The following MAGEA4 variants were observed in gnomAD, a reference collection of about 807,000 sequenced individuals.
The protein encoded by MAGEA4 is melanoma-associated antigen 4.
MAGEA4 carries 1 observed loss-of-function variant against 13.7 expected under a neutral mutation model. That is an observed-to-expected ratio of 0.07 (90% CI 0.03 to 0.35). MAGEA4 has a LOEUF of 0.35. MAGEA4 is among the 10% of genes least tolerant of loss of function. MAGEA4 has a pLI of 0.99. For missense variants in MAGEA4, 312 were observed against 245.1 expected, an observed-to-expected ratio of 1.27 and a Z score of -1.82; for synonymous variants, 132 against 101.1, an observed-to-expected ratio of 1.31 and a Z score of -1.83.
intron 1 of MAGEA4, among the ~76,000 whole-genome samples, chrX:151,921,339 G>A (rs759748011): frequency 1.8e-5 from 2 of 112,344 alleles, no homozygotes; most frequent in South Asian, 3.7e-4. Flanking sequence ...GCTCTGTGGC[G>A]AGGCAAGGTG....
At position 151,923,472 on chromosome X, in the gene MAGEA4, A is replaced by G. The variant is rs368738694; in HGVS notation, c.-118A>G. On this transcript the variant is annotated 5_prime_UTR_variant, in exon 2 of 3. Coordinates refer to ENST00000276344, the MANE Select transcript of MAGEA4 (RefSeq NM_001011548.1). The stretch of plus-strand genomic sequence containing the variant: ...CTTCAGGTTCTGAGCAGACAGGCCA[A>G]CCGGAGGACAGGATTCCCTGGAGGC... 1.7e-4 allele frequency: 201 copies of G among 1,192,167 alleles called. 1 individual carries two copies. Among genetic ancestry groups the G allele is most frequent in the Middle Eastern group, 2.3e-4 (1 of 4,306 alleles).
rs779923857 is a variant in MAGEA4 at position 151,923,647 on chromosome X, G to A, written c.-18G>A. 4.2e-5 allele frequency: 51 copies of A among 1,209,418 alleles called. No homozygotes were observed. Among genetic ancestry groups the A allele is most frequent in the Non-Finnish European group, 5.1e-5 (46 of 895,152 alleles). ...GCTTTTGCCTGCACTCTTGCCTGCTGCCCTGACCAGAGTCATCATGTCTTC... is the reference window on the plus strand; with the variant it reads ...GCTTTTGCCTGCACTCTTGCCTGCTACCCTGACCAGAGTCATCATGTCTTC... On this transcript the variant is annotated 5_prime_UTR_variant, in exon 3 of 3. Coordinates refer to ENST00000276344, the MANE Select transcript of MAGEA4 (RefSeq NM_001011548.1).
chrX:151,923,821 G>A lies in MAGEA4; in HGVS notation c.157G>A (p.Glu53Lys), dbSNP rs767725718. ...SSPLVPGTLE[E>K]VPAAESAGPP... Reference sequence around the variant, plus strand: ...TCCTCTGGTCCCTGGCACCCTGGAGGAAGTGCCTGCTGCTGAGTCAGCAGG... The same window carrying A: ...TCCTCTGGTCCCTGGCACCCTGGAGAAAGTGCCTGCTGCTGAGTCAGCAGG... Residue 53 changes from glutamate (E) to lysine (K), a missense_variant, in exon 3 of 3, where the codon GAA (glutamate) becomes AAA (lysine). Glu to Lys is a moderately conservative substitution (Grantham distance 56). Coordinates refer to ENST00000276344, the MANE Select transcript of MAGEA4 (RefSeq NM_001011548.1). 5.0e-6 allele frequency: 6 copies of A among 1,207,834 alleles called. No individual in the cohort carries two copies. The African/African-American group carries it at 8.8e-5, about 18-fold the overall frequency.
chrX:151,923,397 A>G (rs1933535527), intron 1 of MAGEA4, 56 bp from the exon 2 acceptor site: 3 of 1,018,967 alleles, frequency 2.9e-6, no homozygotes, highest in Non-Finnish European at 2.7e-6. Flanking sequence ...AATCCTGCAG[A>G]ATCGACCTCT....
chrX:151,924,583 G>A lies in MAGEA4; in HGVS notation c.919G>A (p.Glu307Lys). The A allele has an allele frequency of 8.4e-7, 1 of 1,197,022 alleles. No homozygotes were observed. Among genetic ancestry groups the A allele is most frequent in the South Asian group, 1.9e-5 (1 of 53,924 alleles). The change falls in exon 3 of 3, where the codon GAA (glutamate) becomes AAA (lysine). Residue 307 changes from glutamate to lysine, a missense_variant. By Grantham distance (56) the Glu-to-Lys change is moderately conservative (BLOSUM62 1). Coordinates refer to ENST00000276344, the MANE Select transcript of MAGEA4 (RefSeq NM_001011548.1). ...RVRIAYPSLR[E>K]AALLEEEEGV Reference sequence around the variant, plus strand: ...TCGCATTGCCTACCCATCCCTGCGTGAAGCAGCTTTGTTAGAGGAGGAAGA... The same window carrying A: ...TCGCATTGCCTACCCATCCCTGCGTAAAGCAGCTTTGTTAGAGGAGGAAGA...
rs142730380 is a variant in MAGEA4, at chrX:151,924,382, T to C, written c.718T>C (p.Tyr240His). The change falls in exon 3 of 3, where the codon TAT (tyrosine) becomes CAT (histidine). Residue 240 changes from tyrosine to histidine, a missense_variant. Tyr to His is a moderately conservative substitution (Grantham distance 83, BLOSUM62 2). Coordinates refer to ENST00000276344, the MANE Select transcript of MAGEA4 (RefSeq NM_001011548.1). ...GVYDGREHTV[Y>H]GEPRKLLTQD... is the part of the protein sequence containing the mutation. Reference sequence around the variant, plus strand: ...GTATGATGGGAGGGAGCACACTGTCTATGGGGAGCCCAGGAAACTGCTCAC... The same window carrying C: ...GTATGATGGGAGGGAGCACACTGTCCATGGGGAGCCCAGGAAACTGCTCAC... 3.5e-5 allele frequency: 42 copies of C among 1,208,778 alleles called. No individual in the cohort carries two copies. The highest frequency in any genetic ancestry group is 4.6e-5 in the Non-Finnish European group (41 of 894,564).
chrX:151,917,929 C>G (rs1473888978), intron 1 of MAGEA4, among the ~76,000 whole-genome samples: 1 of 93,242 alleles, frequency 1.1e-5, no homozygotes, highest in Non-Finnish European at 2.1e-5. Context: ...TAAGCGTACC[C>G]CACCCCTATT....
chrX:151,918,527 G>T (rs1267227150), intron 1 of MAGEA4, among the ~76,000 whole-genome samples: 2 of 42,254 alleles, frequency 4.7e-5, no homozygotes, highest in African/African-American at 1.1e-4. Context: ...AGAGCTTGGG[G>T]TGTTTAGTGT....
intron 1 of MAGEA4, chrX:151,919,144 C>A (rs1933260677): frequency 3.0e-6 from 2 of 664,882 alleles, no homozygotes; most frequent in Non-Finnish European, 1.8e-6. Flanking sequence ...GGGCTGACTT[C>A]TGAGTCTGGG....
At chrX:151,917,778 G>A (rs1482119764) in intron 1 of MAGEA4, 10 of 204,113 alleles carry the variant, frequency 4.9e-5, no homozygotes, top group South Asian at 2.5e-4. Flanking sequence ...ACCTGTGGGC[G>A]GACTTCTGAG....
In MAGEA4 at chrX:151,923,627, T is replaced by TG. The variant is rs1211545067; in HGVS notation, c.-37dup. 3.3e-6 allele frequency: 4 copies of TG among 1,211,322 alleles called. No individual in the cohort carries two copies. The South Asian group carries it at 7.0e-5, about 21-fold the overall frequency. ...CTGTGGGTCCCCATTGCCCAGCTTT[T>TG]GCCTGCACTCTTGCCTGCTGCCCTG... On this transcript the variant is annotated 5_prime_UTR_variant, in exon 3 of 3. Coordinates refer to ENST00000276344, the MANE Select transcript of MAGEA4 (RefSeq NM_001011548.1).
chrX:151,919,632 C>T, intron 1 of MAGEA4: 1 of 751,470 alleles, frequency 1.3e-6, no homozygotes, highest in Non-Finnish European at 1.6e-6. Context: ...CTGACTTGCG[C>T]ATTGGGGGTT....
At chrX:151,921,068 G>A (rs1009451383) in intron 1 of MAGEA4, among the ~76,000 whole-genome samples, 1 of 112,285 alleles carries the variant, frequency 8.9e-6, no homozygotes, top group Non-Finnish European at 1.9e-5. Flanking sequence ...GGCCCTGCCA[G>A]GAATCAAAGT....
intron 1 of MAGEA4, among the ~76,000 whole-genome samples, chrX:151,919,949 A>G (rs1268381269): frequency 9.3e-6 from 1 of 107,596 alleles, no homozygotes; most frequent in Non-Finnish European, 1.9e-5. Context: ...CAACCTCAGG[A>G]CTGTAAGAGA....
At chrX:151,921,064 G>T (rs756886579) in intron 1 of MAGEA4, among the ~76,000 whole-genome samples, 1 of 112,318 alleles carries the variant, frequency 8.9e-6, no homozygotes, top group East Asian at 2.8e-4. Context: ...CCCAGGCCCT[G>T]CCAGGAATCA....
At position 151,919,549 on chromosome X, in the gene MAGEA4, C is replaced by T. The variant is rs891207102; in HGVS notation, c.-137-3904C>T. On this transcript the variant is annotated intron_variant, in intron 1 of 2. Coordinates refer to ENST00000276344, the MANE Select transcript of MAGEA4 (RefSeq NM_001011548.1). ...CTCCACCGACCTCACTCCTCCCACCCCCATCCACGCTGAATCGGGTTCTGC... is the reference window on the plus strand; with the variant it reads ...CTCCACCGACCTCACTCCTCCCACCTCCATCCACGCTGAATCGGGTTCTGC... The T allele has an allele frequency of 9.0e-6, 5 of 553,251 alleles. No individual in the cohort carries two copies. The Admixed American group carries it at 3.9e-4, about 43-fold the overall frequency. 45.6% of individuals were successfully genotyped at this position (553,251 alleles called of 1,213,427 possible). A position where few individuals can be genotyped will look rare whatever the true frequency, so the allele number is the denominator to read the frequency against.
chrX:151,924,234 G>T lies in MAGEA4; in HGVS notation c.570G>T (p.Leu190=). Residue 190 remains leucine, a synonymous_variant, in exon 3 of 3, where the codon CTG becomes CTT. Transcript: ENST00000276344. ...GCCTGGGCCTTTCCTATGATGGCCTGCTGGGTAATAATCAGATCTTTCCCA... is the reference window on the plus strand; with the variant it reads ...GCCTGGGCCTTTCCTATGATGGCCTTCTGGGTAATAATCAGATCTTTCCCA... The part of the protein sequence containing the change: ...VTCLGLSYDG[L]LGNNQIFPKT... The T allele has an allele frequency of 1.7e-6, 2 of 1,210,361 alleles. No individual in the cohort carries two copies. The highest frequency in any genetic ancestry group is 2.2e-6 in the Non-Finnish European group (2 of 894,715).
Position 151,925,062 on chromosome X carries a change from T to C in MAGEA4, c.*444T>C, listed in dbSNP as rs1410653706. The C allele has an allele frequency of 7.8e-6, 1 of 127,902 alleles. No individual in the cohort carries two copies. Among genetic ancestry groups the C allele is most frequent in the Admixed American group, 8.9e-5 (1 of 11,252 alleles). 10.5% of individuals were successfully genotyped at this position (127,902 alleles called of 1,213,427 possible). A position where few individuals can be genotyped will look rare whatever the true frequency, so the allele number is the denominator to read the frequency against. On this transcript the variant is annotated 3_prime_UTR_variant, in exon 3 of 3. Coordinates refer to ENST00000276344, the MANE Select transcript of MAGEA4 (RefSeq NM_001011548.1). The stretch of plus-strand genomic sequence containing the variant: ...TAAAAGATACTTAATTCCCGCCTTA[T>C]GCCTCAGTCTATTCTGTAAAATTTA...
intron 1 of MAGEA4, among the ~76,000 whole-genome samples, chrX:151,922,566 A>G (rs992299974): frequency 2.7e-5 from 3 of 111,639 alleles, no homozygotes; most frequent in Non-Finnish European, 5.7e-5. Context: ...AGGGTGACTC[A>G]GGTCACCACA....
Sources: gnomAD v4.1 joint callset for allele counts (sites outside exome capture counted in the v4.1 genomes callset) on GRCh38, gnomAD v4.1.1 for gene constraint, MANE v1.5 for transcripts, NCBI Gene and HGNC (gene_info 2026-07-23, HGNC 2026-07-21) for gene names.